The following IGFL2 variants were observed in gnomAD, a reference collection of about 807,000 sequenced individuals.
IGFL2 encodes IGF like family member 2.
In IGFL2, 7 loss-of-function variants were observed where a neutral mutation model predicts 13.9. The observed-to-expected ratio is 0.51, with a 90% CI of 0.29 to 0.95. The LOEUF is 0.95. Among genes scored for constraint, IGFL2 ranks in the 40% least tolerant of loss-of-function variants. The pLI is 0.08. For synonymous variants in IGFL2, 55 were observed against 55.8 expected, an observed-to-expected ratio of 0.99 and a Z score of 0.07; for missense variants, 138 against 147.8, an observed-to-expected ratio of 0.93 and a Z score of 0.34.
At chr19:46,120,408 A>G in the IGFL2 span, 1 of 1,607,682 alleles carries the variant, frequency 6.2e-7, no homozygotes, top group Non-Finnish European at 8.5e-7. Flanking sequence ...ATTCTCAGGA[A>G]AAAATTATCC....
upstream of IGFL2, chr19:46,147,840 T>C (rs1047801426): frequency 1.2e-5 from 2 of 160,026 alleles, 1 homozygote; most frequent in South Asian, 4.1e-4. Context: ...CGGACTGAGA[T>C]GGGGAGTAGA....
the IGFL2 span, among the ~76,000 whole-genome samples, chr19:46,079,377 C>T: frequency 2.6e-5 from 4 of 152,342 alleles, no homozygotes; most frequent in South Asian, 4.1e-4. Context: ...TCAAGAGTTC[C>T]CCGCCTAGAA....
At chr19:46,081,989 A>G in the IGFL2 span, among the ~76,000 whole-genome samples, 26 of 152,248 alleles carry the variant, frequency 1.7e-4, no homozygotes, top group Non-Finnish European at 3.4e-4. Context: ...AGTTAACACC[A>G]TCATGGCTAG....
chr19:46,088,471 C>T, the IGFL2 span, among the ~76,000 whole-genome samples: 1 of 152,200 alleles, frequency 6.6e-6, no homozygotes. Context: ...TCAATTGTAA[C>T]ATATATATTT....
the IGFL2 span, among the ~76,000 whole-genome samples, chr19:46,081,885 A>C: frequency 6.6e-6 from 1 of 152,222 alleles, no homozygotes; most frequent in Non-Finnish European, 1.5e-5. Flanking sequence ...GTCTTGTGCT[A>C]CCTGTTGTCT....
chr19:46,137,054 C>T, the IGFL2 span: 439 of 1,594,612 alleles, frequency 2.8e-4, 2 homozygotes, highest in Non-Finnish European at 3.3e-4. Flanking sequence ...CACTGATGGA[C>T]GAGCCAAAAC....
At chr19:46,187,876 T>C in the IGFL2 span, among the ~76,000 whole-genome samples, 2 of 149,478 alleles carry the variant, frequency 1.3e-5, no homozygotes, top group Admixed American at 6.6e-5. Flanking sequence ...AACCTGAGGT[T>C]GTGCTGCTGG....
chr19:46,083,058 G>A, the IGFL2 span, among the ~76,000 whole-genome samples: 2 of 152,168 alleles, frequency 1.3e-5, no homozygotes, highest in Non-Finnish European at 2.9e-5. Context: ...CTGAAACCCT[G>A]GACGCACGGT....
At chr19:46,183,557 A>G in the IGFL2 span, among the ~76,000 whole-genome samples, 8 of 133,982 alleles carry the variant, frequency 6.0e-5, no homozygotes, top group South Asian at 2.3e-4. Context: ...TTTTTTTTAG[A>G]TGGAGTCTCA....
upstream of IGFL2, among the ~76,000 whole-genome samples, chr19:46,143,580 C>T (rs568050652): frequency 8.3e-4 from 126 of 152,116 alleles, 1 homozygote; most frequent in Middle Eastern, 0.017. Context: ...GTTACATTTT[C>T]AGGAAATCAA....
At chr19:46,086,785 A>AT in the IGFL2 span, among the ~76,000 whole-genome samples, 2 of 151,718 alleles carry the variant, frequency 1.3e-5, no homozygotes, top group African/African-American at 4.8e-5. Context: ...CATGGGGAGG[A>AT]TTTTTTTCCT....
At chr19:46,210,229 GTGAC>G in the IGFL2 span, 2 of 152,292 alleles carry the variant, frequency 1.3e-5, no homozygotes, top group Non-Finnish European at 2.9e-5. Flanking sequence ...GAGGTGACAG[GTGAC>G]TGACCTCAGC....
chr19:46,167,269 GC>G, the IGFL2 span, among the ~76,000 whole-genome samples: 1 of 152,156 alleles, frequency 6.6e-6, no homozygotes, highest in African/African-American at 2.4e-5. Flanking sequence ...AAGAACTGGT[GC>G]CCACCACTAT....
chr19:46,145,298 TTC>T (rs34435727), upstream of IGFL2, among the ~76,000 whole-genome samples: 75 of 151,612 alleles, frequency 4.9e-4, 1 homozygote, highest in South Asian at 0.012. Context: ...ATTGTCGATA[TTC>T]TCTCTCTCTC....
At chr19:46,106,703 T>A in the IGFL2 span, among the ~76,000 whole-genome samples, 1 of 151,546 alleles carries the variant, frequency 6.6e-6, no homozygotes, top group Non-Finnish European at 1.5e-5. Flanking sequence ...GATAGGAGAG[T>A]TGTAAGGAGA....
the IGFL2 span, among the ~76,000 whole-genome samples, chr19:46,123,115 A>G: frequency 3.3e-5 from 5 of 150,882 alleles, 1 homozygote; most frequent in African/African-American, 1.2e-4. Flanking sequence ...TCCAACAGCT[A>G]CAGGAATTTT....
chr19:46,092,412 C>T, the IGFL2 span, among the ~76,000 whole-genome samples: 3 of 151,924 alleles, frequency 2.0e-5, no homozygotes, highest in Non-Finnish European at 4.4e-5. Context: ...AGGTGGATCA[C>T]TTGAGGTTGG....
intron 1 of IGFL2, among the ~76,000 whole-genome samples, chr19:46,155,918 A>G (rs1973798173): frequency 6.6e-6 from 1 of 152,210 alleles, no homozygotes; most frequent in African/African-American, 2.4e-5. Flanking sequence ...GGTAAGTCGT[A>G]TAACTTTGTT....
chr19:46,140,308 A>G (rs1425304278), upstream of IGFL2, among the ~76,000 whole-genome samples: 1 of 152,140 alleles, frequency 6.6e-6, no homozygotes, highest in Admixed American at 6.5e-5. Context: ...AAGTCTACAT[A>G]GAACATTTAT....
Sources: allele counts gnomAD v4.1 joint callset (sites outside exome capture counted in the v4.1 genomes callset), GRCh38; gene constraint gnomAD v4.1.1; transcripts MANE v1.5; gene names NCBI Gene and HGNC (gene_info 2026-07-23, HGNC 2026-07-21).